The following MYB variants were observed in gnomAD, a reference collection of about 807,000 sequenced individuals.
MYB encodes the protein transcriptional activator Myb.
MYB carries 28 observed loss-of-function variants against 92.9 expected under a neutral mutation model. The observed-to-expected ratio is 0.30, with a 90% CI of 0.22 to 0.41. The LOEUF is 0.41. MYB is among the 10% of genes least tolerant of loss of function. The pLI, the probability that MYB is intolerant of heterozygous loss-of-function variation, is 1.00. For missense variants in MYB, 679 were observed against 929.3 expected (o/e 0.73, Z 3.50); for synonymous variants, 295 against 329.1 (o/e 0.90, Z 1.12).
rs1352094518 is a variant in MYB, at chr6:135,197,207, C to G, written c.1450C>G (p.Arg484Gly). Residue 484 changes from arginine to glycine, a missense_variant, in exon 10 of 16, where the codon CGG becomes GGG. Arg to Gly is a moderately radical substitution (Grantham distance 125). Around this residue, in one of 8 missense-constraint regions of MYB, gnomAD observed 402 missense variants for 434.2 expected, o/e 0.93. Transcript: ENST00000341911. ...TCCACTGGTCATCCTTCGAAAAAAA[C>G]GGGGCCAGGCCAGCCCCTTAGCCAC... is the stretch of plus-strand genomic sequence containing the variant. ...TIPLVILRKK[R>G]GQASPLATGD... 6.2e-7 allele frequency: 1 copy of G among 1,613,866 alleles called. No homozygotes were observed. The highest frequency in any genetic ancestry group is 1.3e-5 in the African/African-American group (1 of 74,932).
intron 10 of MYB, among the ~76,000 whole-genome samples, chr6:135,198,115 C>T (rs1364203877): frequency 6.6e-6 from 1 of 152,108 alleles, no homozygotes; most frequent in African/African-American, 2.4e-5. Context: ...TAGGTATATA[C>T]ATTTGGGAAA....
intron 15 of MYB, among the ~76,000 whole-genome samples, chr6:135,206,234 T>TAAC (rs1778898779): frequency 2.3e-5 from 3 of 129,176 alleles, no homozygotes; most frequent in Admixed American, 1.6e-4. Flanking sequence ...AAAATAATAA[T>TAAC]AATAATAATA....
chr6:135,200,038 G>T, intron 11 of MYB, 47 bp from the exon 12 acceptor site: 1 of 1,380,146 alleles, frequency 7.2e-7, no homozygotes, highest in South Asian at 1.2e-5. Flanking sequence ...GCCATGTAGG[G>T]ACATTTATTC....
At chr6:135,207,663 C>T (rs373698184) in intron 15 of MYB, among the ~76,000 whole-genome samples, 15 of 151,670 alleles carry the variant, frequency 9.9e-5, no homozygotes, top group African/African-American at 3.6e-4. Context: ...ATTTTGTACA[C>T]ACATAGATGT....
intron 10 of MYB, among the ~76,000 whole-genome samples, chr6:135,197,642 C>T (rs111746386): frequency 6.6e-6 from 1 of 152,128 alleles, no homozygotes; most frequent in Non-Finnish European, 1.5e-5. Flanking sequence ...CCATCTGATC[C>T]CTCCCTTTAA....
chr6:135,207,119 A>G (rs1051660891), intron 15 of MYB, among the ~76,000 whole-genome samples: 6 of 152,204 alleles, frequency 3.9e-5, no homozygotes, highest in African/African-American at 1.4e-4. Flanking sequence ...CACACATGGT[A>G]TTATTGAACA....
rs55983257 is a variant in MYB at position 135,197,320 on chromosome 6, G to A, written c.1563G>A (p.Ser521=). ...TCAAAAGCCTACCCTTCTCTCCCTC[G>A]CAGGTAGAACACAATTTCTGCACAG... is the stretch of plus-strand genomic sequence containing the variant. ...SPVKSLPFSP[S]QFLNTSSNHE... The change falls in exon 10 of 16, where the codon TCG becomes TCA. Residue 521 remains serine, a synonymous_variant. Transcript: ENST00000341911. 2.9e-5 allele frequency: 47 copies of A among 1,602,472 alleles called. No individual in the cohort carries two copies. The highest frequency in any genetic ancestry group is 2.0e-4 in the African/African-American group (15 of 74,586).
At chr6:135,200,565 C>T (rs886280625) in intron 13 of MYB, 150 bp downstream of exon 13, 2 of 1,118,330 alleles carry the variant, frequency 1.8e-6, no homozygotes, top group African/African-American at 1.5e-5. Flanking sequence ...AAGGTACTGC[C>T]AGACTGTAGG....
At chr6:135,206,220 AAAAAAAAT>A (rs1778874032) in intron 15 of MYB, among the ~76,000 whole-genome samples, 1 of 141,860 alleles carries the variant, frequency 7.0e-6, no homozygotes, top group Non-Finnish European at 1.5e-5. Context: ...AAAAAAAAAA[AAAAAAAAT>A]AATAATAATA....
At position 135,182,873 on chromosome 6, in the gene MYB, G is replaced by A. The variant is rs1005452344; in HGVS notation, c.23+1337G>A. ...CGGGGCTTGGTTGGGCTCTGGGGACGAGAGGGCGACTTGGGGGAGCTCCGG... is the reference window on the plus strand; with the variant it reads ...CGGGGCTTGGTTGGGCTCTGGGGACAAGAGGGCGACTTGGGGGAGCTCCGG... On this transcript the variant is annotated intron_variant, in intron 1 of 15. Transcript: ENST00000341911. The surrounding 1 kb of genome is among the most constrained non-coding windows in gnomAD (Gnocchi z 5.6). Among the ~76,000 whole-genome samples, 1 of 152,156 alleles carries A rather than the reference G, an allele frequency of 6.6e-6. No individual in the cohort carries two copies. The highest frequency in any genetic ancestry group is 1.5e-5 in the Non-Finnish European group (1 of 68,016).
At chr6:135,184,594 A>T (rs1775676987) in intron 1 of MYB, among the ~76,000 whole-genome samples, 1 of 152,076 alleles carries the variant, frequency 6.6e-6, no homozygotes, top group Non-Finnish European at 1.5e-5. Flanking sequence ...AATAGCTTTA[A>T]ATTATGAGAA....
At chr6:135,196,940 G>A in intron 9 of MYB, 21 bp from the exon 10 acceptor site, 1 of 1,603,954 alleles carries the variant, frequency 6.2e-7, no homozygotes, top group Non-Finnish European at 8.5e-7. Flanking sequence ...TCAAAGTTCT[G>A]TGCCTCCCAC....
chr6:135,208,202 T>C (rs1036551119), intron 15 of MYB, among the ~76,000 whole-genome samples: 6 of 149,408 alleles, frequency 4.0e-5, no homozygotes, highest in African/African-American at 1.5e-4. Context: ...CCTTAGCCTC[T>C]CGAGTAGCTG....
At chr6:135,196,619 C>A in intron 9 of MYB, 2 of 700,540 alleles carry the variant, frequency 2.9e-6, no homozygotes, top group Non-Finnish European at 4.3e-6. Flanking sequence ...TGGTTCCTTT[C>A]CCAGTTGATT....
chr6:135,208,901 C>A (rs56329496), intron 15 of MYB, among the ~76,000 whole-genome samples: 15,748 of 152,114 alleles, frequency 0.1, 868 homozygotes, highest in South Asian at 0.14. Flanking sequence ...TTTGGTTAAG[C>A]CTCTTAAATC....
chr6:135,193,272 A>C (rs1776863411), intron 6 of MYB, among the ~76,000 whole-genome samples: 1 of 152,228 alleles, frequency 6.6e-6, no homozygotes, highest in Admixed American at 6.5e-5. Context: ...GAATAACAAT[A>C]TTAAATGATA....
At position 135,218,243 on chromosome 6, in the gene MYB, A is replaced by AT. The variant is rs200493203; in HGVS notation, c.*270dup. ...GCCAGTTGTTAATATCTTAATGCAG[A>AT]TTTTTTTAAAAAAAACATAAAATGA... On this transcript the variant is annotated 3_prime_UTR_variant, in exon 16 of 16. Transcript: ENST00000341911. 1.9e-3 allele frequency: 607 copies of AT among 323,428 alleles called. 13 individuals carry two copies. The highest frequency in any genetic ancestry group is 0.014 in the South Asian group (345 of 24,616). 20.0% of individuals were successfully genotyped at this position (323,428 alleles called of 1,614,324 possible).
At chr6:135,211,050 T>C (rs552958217) in intron 15 of MYB, among the ~76,000 whole-genome samples, 3 of 152,060 alleles carry the variant, frequency 2.0e-5, no homozygotes, top group African/African-American at 7.2e-5. Context: ...GAAATAAAGG[T>C]AGTCAGACCT....
rs778787538 is a variant in MYB at position 135,185,941 on chromosome 6, T to C, written c.62T>C (p.Met21Thr). ...SSDEDDEDFE[M>T]CDHDYDGLLP... ...GACGAGGATGATGAGGACTTTGAGA[T>C]GTGTGACCATGACTATGATGGGCTG... is the stretch of plus-strand genomic sequence containing the variant. Residue 21 changes from methionine to threonine, a missense_variant, in exon 2 of 16, where the codon ATG becomes ACG. This residue lies in a region of MYB where 88 missense variants were observed against 145.6 expected (regional missense o/e 0.60). Coordinates refer to ENST00000341911, the MANE Select transcript of MYB (RefSeq NM_001130173.2). 6.2e-7 allele frequency: 1 copy of C among 1,614,188 alleles called. No homozygotes were observed. Among genetic ancestry groups the C allele is most frequent in the Non-Finnish European group, 8.5e-7 (1 of 1,180,016 alleles).
Sources: allele counts gnomAD v4.1 joint callset (sites outside exome capture counted in the v4.1 genomes callset), GRCh38; gene constraint gnomAD v4.1.1; regional missense constraint gnomAD v4.1.1; non-coding constraint Gnocchi (gnomAD v3.1); transcripts MANE v1.5; gene names NCBI Gene and HGNC (gene_info 2026-07-23, HGNC 2026-07-21).